MYCBP2: variants seen among roughly 807,000 people sequenced by gnomAD.
The protein encoded by MYCBP2 is MYC binding protein 2, also known as E3 ubiquitin-protein ligase MYCBP2.
MYCBP2 carries 120 observed loss-of-function variants against 525.3 expected under a neutral mutation model. The ratio of observed to expected loss-of-function variants is 0.23; its 90% confidence interval spans 0.20 to 0.27. The LOEUF is 0.27. Among genes scored for constraint, MYCBP2 ranks in the 10% least tolerant of loss-of-function variants. The pLI is 1.00. For missense variants in MYCBP2, 4,149 were observed against 5,657.1 expected (o/e 0.73, Z 8.55); for synonymous variants, 1,894 against 1,955.8 (o/e 0.97, Z 0.83).
chr13:77,205,191 A>G, intron 26 of MYCBP2, 65 bp downstream of exon 26: 1 of 1,341,014 alleles, frequency 7.5e-7, no homozygotes, highest in South Asian at 2.3e-5. Flanking sequence ...AAATAATAAA[A>G]TAATAAATTA....
Position 77,326,804 on chromosome 13 carries a change from T to A in MYCBP2, c.-29A>T. The A allele has an allele frequency of 7.2e-7, 1 of 1,388,900 alleles. No individual in the cohort carries two copies. The highest frequency in any genetic ancestry group is 1.6e-5 in the South Asian group (1 of 61,576). 86.0% of individuals were successfully genotyped at this position (1,388,900 alleles called of 1,614,324 possible). ...CGCCGCCGCCGCCGCCGCCGCCGCC[T>A]CGTCCCCGCGGGCCGGGCGGGCAGA... On this transcript the variant is annotated 5_prime_UTR_variant, in exon 1 of 83. Coordinates refer to ENST00000544440, the MANE Select transcript of MYCBP2 (RefSeq NM_015057.5). The surrounding 1 kb of genome is among the most constrained non-coding windows in gnomAD (Gnocchi z 4.2).
In MYCBP2 at chr13:77,072,914, T is replaced by A. The variant is rs548063652; in HGVS notation, c.11824-2203A>T. Among the ~76,000 whole-genome samples, 4 of 152,306 alleles carry A rather than the reference T, an allele frequency of 2.6e-5. No homozygotes were observed. The East Asian group carries it at 7.7e-4, about 29-fold the overall frequency. On this transcript the variant is annotated intron_variant, in intron 68 of 82. Coordinates refer to ENST00000544440, the MANE Select transcript of MYCBP2 (RefSeq NM_015057.5). ...TGCTACTTAAGTACTAGTTAGATTA[T>A]ATATGAGTCTCTTTTAGATAGTTCT...
At chr13:77,050,044 C>T (rs1055144857) in intron 82 of MYCBP2, among the ~76,000 whole-genome samples, 2 of 151,854 alleles carry the variant, frequency 1.3e-5, no homozygotes, top group African/African-American at 2.4e-5. Context: ...TAATATTAGC[C>T]ACTACCCTAC....
intron 49 of MYCBP2, among the ~76,000 whole-genome samples, chr13:77,141,489 G>GGCCA (rs2054610518): frequency 6.6e-6 from 1 of 152,120 alleles, no homozygotes; most frequent in East Asian, 1.9e-4. Flanking sequence ...ATGTACAAGG[G>GGCCA]GCCAGGCGCA....
chr13:77,052,263 A>G (rs916870698), intron 80 of MYCBP2, among the ~76,000 whole-genome samples: 1 of 152,018 alleles, frequency 6.6e-6, no homozygotes, highest in Non-Finnish European at 1.5e-5. Flanking sequence ...TAGTGGCGCA[A>G]TCATGGCTCC....
rs78640596 is a variant in MYCBP2, at chr13:77,074,251, G to A, written c.11823+2500C>T. On this transcript the variant is annotated intron_variant, in intron 68 of 82. Coordinates refer to ENST00000544440, the MANE Select transcript of MYCBP2 (RefSeq NM_015057.5). ...TAAATGATAGTCTTCTCAATGAATC[G>A]TAGTAGAACAATTGAACATCTATAT... Among the ~76,000 whole-genome samples the A allele has an allele frequency of 3.3e-5, 5 of 152,094 alleles. No homozygotes were observed. In the East Asian group the frequency reaches 9.6e-4, roughly 29 times the overall value.
chr13:77,243,217 T>A, intron 16 of MYCBP2, 57 bp from the exon 17 acceptor site: 1 of 1,242,528 alleles, frequency 8.0e-7, no homozygotes, highest in Non-Finnish European at 1.2e-6. Context: ...ATAATAGCTA[T>A]GACAGAACTA....
chr13:77,243,430 T>C (rs763195175), intron 16 of MYCBP2, among the ~76,000 whole-genome samples: 4 of 152,098 alleles, frequency 2.6e-5, no homozygotes, highest in South Asian at 2.1e-4. Context: ...CTGGCCAACA[T>C]GGTGAAACCC....
rs76628406 is a variant in MYCBP2, at chr13:77,118,551, G to A, written c.8140+2822C>T. ...CTCGTTATTCATTAACATCCAAAAT[G>A]GCAAAGTAAATGGTGCTTTATGACA... On this transcript the variant is annotated intron_variant, in intron 55 of 82. Coordinates refer to ENST00000544440, the MANE Select transcript of MYCBP2 (RefSeq NM_015057.5). The A allele has an allele frequency of 2.8e-4, 208 of 755,576 alleles. 1 individual carries two copies. The East Asian group carries it at 5.0e-3, about 18-fold the overall frequency. 46.8% of individuals were successfully genotyped at this position (755,576 alleles called of 1,614,324 possible).
chr13:77,299,897 A>T (rs1956604868), intron 1 of MYCBP2, among the ~76,000 whole-genome samples: 1 of 152,194 alleles, frequency 6.6e-6, no homozygotes, highest in Non-Finnish European at 1.5e-5. Flanking sequence ...TACTTTAAAA[A>T]TTCCAAAAAT....
chr13:77,160,718 A>C (rs1383650750), intron 44 of MYCBP2, among the ~76,000 whole-genome samples: 1 of 152,212 alleles, frequency 6.6e-6, no homozygotes, highest in East Asian at 1.9e-4. Flanking sequence ...TACTAACTAC[A>C]TATACCTAGT....
Position 77,098,551 on chromosome 13 carries a change from C to T in MYCBP2, c.8603G>A (p.Arg2868His), listed in dbSNP as rs772454492. 2.5e-6 allele frequency: 4 copies of T among 1,613,714 alleles called. No individual in the cohort carries two copies. The highest frequency in any genetic ancestry group is 1.1e-5 in the South Asian group (1 of 91,064). ...VKTKLDPPRE[R>H]SKSDSYTLDP... ...AAGTGTGTAAGAGTCTGATTTAGAA[C>T]GTTCCCGAGGAGGATCAAGCTTTGT... is the stretch of plus-strand genomic sequence containing the variant. Residue 2868 changes from arginine (R) to histidine (H), a missense_variant, in exon 56 of 83, where the codon CGT (arginine) becomes CAT (histidine). Arg to His is a conservative substitution (Grantham distance 29). Around this residue, in one of 21 missense-constraint regions of MYCBP2, gnomAD observed 653 missense variants for 744.7 expected, o/e 0.88. Transcript: ENST00000544440.
chr13:77,166,674 C>A (rs183585359), intron 40 of MYCBP2, 120 bp from the exon 41 acceptor site: 428 of 556,502 alleles, frequency 7.7e-4, no homozygotes, highest in African/African-American at 7.6e-3. Flanking sequence ...GGATAAAGTA[C>A]AAAATTAAAA....
chr13:77,237,030 C>T (rs1013563866), intron 17 of MYCBP2, among the ~76,000 whole-genome samples: 1 of 152,166 alleles, frequency 6.6e-6, no homozygotes, highest in Non-Finnish European at 1.5e-5. Context: ...CAGATATATA[C>T]TCTCTGCCCC....
intron 56 of MYCBP2, 150 bp from the exon 57 acceptor site, chr13:77,096,631 C>A: frequency 2.5e-6 from 2 of 791,698 alleles, no homozygotes; most frequent in Non-Finnish European, 3.7e-6. Flanking sequence ...TTAACTATAT[C>A]AGAAAAATAG....
intron 1 of MYCBP2, among the ~76,000 whole-genome samples, chr13:77,322,377 T>A (rs2081774503): frequency 6.6e-6 from 1 of 152,204 alleles, no homozygotes; most frequent in Admixed American, 6.5e-5. Flanking sequence ...ATACTCTGAC[T>A]CCTCTTTATC....
At chr13:77,211,817 A>C in intron 22 of MYCBP2, 139 bp downstream of exon 22, 1 of 687,334 alleles carries the variant, frequency 1.5e-6, no homozygotes. Context: ...GGAGACATTT[A>C]CAGGCTTTGT....
intron 27 of MYCBP2, among the ~76,000 whole-genome samples, 186 bp downstream of exon 27, chr13:77,193,967 A>G (rs762776920): frequency 6.6e-6 from 1 of 152,170 alleles, no homozygotes; most frequent in Non-Finnish European, 1.5e-5. Context: ...TTTATGAAGT[A>G]TATTAGTTTT....
Position 77,278,863 on chromosome 13 carries a change from G to C in MYCBP2, c.643C>G (p.Arg215Gly). The change falls in exon 4 of 83, where the codon CGA (arginine) becomes GGA (glycine). Residue 215 changes from arginine to glycine, a missense_variant. Physicochemically the swap from Arg to Gly is moderately radical, Grantham distance 125. Around this residue, in one of 21 missense-constraint regions of MYCBP2, gnomAD observed 413 missense variants for 451.2 expected, o/e 0.92. Transcript: ENST00000544440. ...AGACACAGGGATGGATGAGAAAATC[G>C]TGTCTCTTTGATCAATTCAAAAACT... ...CEVFELIKET[R>G]FSHPSLCLRS... 6.3e-7 allele frequency: 1 copy of C among 1,597,206 alleles called. No individual in the cohort carries two copies. Among genetic ancestry groups the C allele is most frequent in the Non-Finnish European group, 8.5e-7 (1 of 1,172,216 alleles).
Sources: allele counts gnomAD v4.1 joint callset (sites outside exome capture counted in the v4.1 genomes callset), GRCh38; gene constraint gnomAD v4.1.1; regional missense constraint gnomAD v4.1.1; non-coding constraint Gnocchi (gnomAD v3.1); transcripts MANE v1.5; gene names NCBI Gene and HGNC (gene_info 2026-07-23, HGNC 2026-07-21).